ADGRL3: variants seen among roughly 807,000 people sequenced by gnomAD.
ADGRL3 encodes the protein calcium-independent alpha-latrotoxin receptor 3.
In ADGRL3, 62 loss-of-function variants were observed where a neutral mutation model predicts 153.5. The ratio of observed to expected loss-of-function variants is 0.40; its 90% CI spans 0.33 to 0.50. ADGRL3 has a LOEUF of 0.50. Among genes scored for constraint, ADGRL3 ranks in the 20% least tolerant of loss-of-function variants. The pLI is 0.47. For missense variants in ADGRL3, 1,641 were observed against 1,859.4 expected (o/e 0.88, Z 2.16); for synonymous variants, 710 against 672.5 (o/e 1.06, Z -0.86).
chr4:61,418,432 A>G (rs1280200162), intron 2 of ADGRL3, among the ~76,000 whole-genome samples: 1 of 151,370 alleles, frequency 6.6e-6, no homozygotes, highest in African/African-American at 2.4e-5. Context: ...TTTTGTCTTC[A>G]CAATGGCAGC....
At chr4:61,988,283 T>C (rs939061126) in intron 19 of ADGRL3, among the ~76,000 whole-genome samples, 2 of 152,140 alleles carry the variant, frequency 1.3e-5, no homozygotes, top group Non-Finnish European at 2.9e-5. Flanking sequence ...AACTAACATT[T>C]GGTTAAAATA....
At chr4:61,505,949 G>A (rs2098425482) in intron 3 of ADGRL3, among the ~76,000 whole-genome samples, 2 of 152,070 alleles carry the variant, frequency 1.3e-5, no homozygotes, top group African/African-American at 4.8e-5. Flanking sequence ...TATAGAAGAT[G>A]ATGTCACCAT....
chr4:61,387,819 G>A (rs1578581481), intron 2 of ADGRL3, among the ~76,000 whole-genome samples: 1 of 152,124 alleles, frequency 6.6e-6, no homozygotes, highest in South Asian at 2.1e-4. Context: ...CAGCTGACAG[G>A]ATTAAGAGAT....
chr4:61,326,599 ATGTGTGTGTGTGTGTG>A (rs34387631), intron 1 of ADGRL3, among the ~76,000 whole-genome samples: 5 of 140,646 alleles, frequency 3.6e-5, no homozygotes, highest in Admixed American at 1.4e-4. Flanking sequence ...ATGCCAGATA[ATGTGTGTGTGTGTGTG>A]TGTGTGTGTG....
intron 9 of ADGRL3, among the ~76,000 whole-genome samples, chr4:61,838,057 A>T (rs1268122158): frequency 6.6e-6 from 1 of 152,104 alleles, no homozygotes; most frequent in Non-Finnish European, 1.5e-5. Context: ...AAAAAAAAGA[A>T]AGAGAAAGAA....
rs139732256 is a variant in ADGRL3 at position 61,835,532 on chromosome 4, C to A, written c.1480+21643C>A. Among the ~76,000 whole-genome samples the A allele has an allele frequency of 5.8e-3, 887 of 152,034 alleles. 20 individuals carry two copies. Among genetic ancestry groups the A allele is most frequent in the Admixed American group, 0.033 (507 of 15,266 alleles). ...TAGTGCTCTTTAAAAAAAATAAATCCTTTTAAACTTTTATTATCTGACTTT... is the reference window on the plus strand; with the variant it reads ...TAGTGCTCTTTAAAAAAAATAAATCATTTTAAACTTTTATTATCTGACTTT... On this transcript the variant is annotated intron_variant, in intron 9 of 26. Coordinates refer to ENST00000683033, the MANE Select transcript of ADGRL3 (RefSeq NM_001387552.1).
intron 13 of ADGRL3, among the ~76,000 whole-genome samples, chr4:61,914,305 T>G (rs1354739852): frequency 2.6e-5 from 4 of 152,150 alleles, no homozygotes; most frequent in Non-Finnish European, 5.9e-5. Flanking sequence ...AGGAAAGATT[T>G]CTTTTCCTGA....
intron 6 of ADGRL3, among the ~76,000 whole-genome samples, chr4:61,724,839 T>C (rs1361434642): frequency 1.3e-5 from 2 of 152,204 alleles, no homozygotes; most frequent in Non-Finnish European, 2.9e-5. Context: ...AAGAGAATTA[T>C]CTGTTTTGGA....
In ADGRL3 at chr4:61,727,769, C is replaced by T. The variant is rs1427930924; in HGVS notation, c.584-2853C>T. ...TTCCCCACCCATTAAAATACACAGA[C>T]ATTATGCAGATAATGCATTGCAATA... is the stretch of plus-strand genomic sequence containing the variant. On this transcript the variant is annotated intron_variant, in intron 6 of 26. Transcript: ENST00000683033. 2.0e-5 allele frequency among the ~76,000 whole-genome samples: 3 copies of T among 152,074 alleles called. 1 individual carries two copies. Among genetic ancestry groups the T allele is most frequent in the Non-Finnish European group, 4.4e-5 (3 of 67,968 alleles).
At chr4:61,681,201 T>G (rs891626090) in intron 6 of ADGRL3, among the ~76,000 whole-genome samples, 7 of 152,116 alleles carry the variant, frequency 4.6e-5, no homozygotes, top group Non-Finnish European at 1.0e-4. Context: ...GTTACAGGGA[T>G]GACTTGTATT....
chr4:61,565,067 G>T (rs2098810864), intron 4 of ADGRL3, among the ~76,000 whole-genome samples: 1 of 152,162 alleles, frequency 6.6e-6, no homozygotes, highest in African/African-American at 2.4e-5. Flanking sequence ...ACCAAAATGT[G>T]ACAGAGACAG....
chr4:61,606,761 A>G lies in ADGRL3; in HGVS notation c.473+19321A>G, dbSNP rs1425676397. ...CTGCAGTTTTAAGTGAGGAAGCAAA[A>G]TAAATTCTTGCATTAGGAGAGTCCC... On this transcript the variant is annotated intron_variant, in intron 5 of 26. Coordinates refer to ENST00000683033, the MANE Select transcript of ADGRL3 (RefSeq NM_001387552.1). Among the ~76,000 whole-genome samples, 6 of 152,252 alleles carry G rather than the reference A, an allele frequency of 3.9e-5. No individual in the cohort carries two copies. The South Asian group carries it at 1.0e-3, about 26-fold the overall frequency.
chr4:61,893,853 G>A (rs1015679143), intron 10 of ADGRL3, among the ~76,000 whole-genome samples: 9 of 151,416 alleles, frequency 5.9e-5, no homozygotes, highest in Admixed American at 3.3e-4. Flanking sequence ...GATTACAGGC[G>A]CCCACCACCA....
chr4:62,023,274 A>AATC (rs2099246496), intron 21 of ADGRL3, among the ~76,000 whole-genome samples: 1 of 152,198 alleles, frequency 6.6e-6, no homozygotes, highest in African/African-American at 2.4e-5. Context: ...AAATTTCTGC[A>AATC]ATCTCATCAT....
intron 2 of ADGRL3, among the ~76,000 whole-genome samples, chr4:61,455,714 T>G (rs1309418085): frequency 1.3e-5 from 2 of 152,036 alleles, no homozygotes; most frequent in African/African-American, 4.8e-5. Flanking sequence ...ATAAATAGTA[T>G]TATTATATTA....
chr4:61,817,158 C>A (rs1233612436), intron 9 of ADGRL3, among the ~76,000 whole-genome samples: 1 of 149,844 alleles, frequency 6.7e-6, no homozygotes, highest in Admixed American at 6.6e-5. Flanking sequence ...GACCCCCCCC[C>A]CCCCACCAAG....
intron 5 of ADGRL3, among the ~76,000 whole-genome samples, chr4:61,660,427 T>TCTGG (rs2094561606): frequency 6.6e-6 from 1 of 152,164 alleles, no homozygotes; most frequent in African/African-American, 2.4e-5. Context: ...TCATACTTTC[T>TCTGG]CTGGCTATAC....
At chr4:61,245,800 T>C (rs2149376627) in intron 1 of ADGRL3, among the ~76,000 whole-genome samples, 1 of 152,252 alleles carries the variant, frequency 6.6e-6, no homozygotes, top group East Asian at 1.9e-4. Flanking sequence ...CATTAAGTGG[T>C]AAACAGATGC....
chr4:61,933,267 G>C (rs534881294), intron 13 of ADGRL3, among the ~76,000 whole-genome samples: 1 of 151,998 alleles, frequency 6.6e-6, no homozygotes, highest in South Asian at 2.1e-4. Context: ...AATATCTAAA[G>C]TTTTTTTATT....
Sources: allele counts gnomAD v4.1 joint callset (sites outside exome capture counted in the v4.1 genomes callset), GRCh38; gene constraint gnomAD v4.1.1; transcripts MANE v1.5; gene names NCBI Gene and HGNC (gene_info 2026-07-23, HGNC 2026-07-21).